P2RY8: variants seen among roughly 807,000 people sequenced by gnomAD.
P2RY8 encodes the protein P2Y receptor family member 8.
In P2RY8, 6 loss-of-function variants were observed where a neutral mutation model predicts 10.0. That is an observed-to-expected ratio of 0.60 (90% CI 0.33 to 1.19). The LOEUF (loss-of-function observed/expected upper bound fraction) is 1.19, where lower values mean the gene tolerates loss of function less well. P2RY8 is among the 50% of genes most tolerant of loss of function. The pLI, the probability that P2RY8 is intolerant of heterozygous loss-of-function variation, is 0.04. For missense variants in P2RY8, 456 were observed against 542.0 expected (o/e 0.84, Z 1.58); for synonymous variants, 276 against 252.5 (o/e 1.09, Z -0.88).
chrX:1,522,817 G>A (rs28541704), intron 1 of P2RY8, among the ~76,000 whole-genome samples: 7 of 151,680 alleles, frequency 4.6e-5, no homozygotes, highest in Non-Finnish European at 1.0e-4. Context: ...ACCTGTTATC[G>A]CAGCACTTTG....
intron 1 of P2RY8, among the ~76,000 whole-genome samples, chrX:1,496,241 T>G (rs1342996067): frequency 6.6e-6 from 1 of 152,164 alleles, no homozygotes; most frequent in African/African-American, 2.4e-5. Flanking sequence ...TACCACTGGC[T>G]TCTCCCTGCT....
Position 1,492,694 on chromosome X carries a change from G to C in P2RY8, c.-24-26112C>G, listed in dbSNP as rs1463718928. On this transcript the variant is annotated intron_variant, in intron 1 of 1. Transcript: ENST00000381297. Reference sequence around the variant, plus strand: ...CAAGTTTCTATTGCTGGCCATAGAAGACAGTTATGCCTCAAGCACTAGGGG... The same window carrying C: ...CAAGTTTCTATTGCTGGCCATAGAACACAGTTATGCCTCAAGCACTAGGGG... 3.3e-5 allele frequency among the ~76,000 whole-genome samples: 5 copies of C among 152,262 alleles called. No individual in the cohort carries two copies. In the East Asian group the frequency reaches 9.6e-4, roughly 29 times the overall value.
intron 1 of P2RY8, among the ~76,000 whole-genome samples, chrX:1,492,599 C>A (rs1408880546): frequency 6.6e-6 from 1 of 152,138 alleles, no homozygotes; most frequent in Non-Finnish European, 1.5e-5. Flanking sequence ...TCCAGCCATG[C>A]CTGAAGCCCC....
At chrX:1,511,221 T>C (rs1191049780) in intron 1 of P2RY8, among the ~76,000 whole-genome samples, 1 of 152,120 alleles carries the variant, frequency 6.6e-6, no homozygotes, top group Non-Finnish European at 1.5e-5. Context: ...CCTTTTGATA[T>C]AGACAGCCTC....
intron 1 of P2RY8, among the ~76,000 whole-genome samples, chrX:1,518,773 C>A (rs1287333182): frequency 6.6e-6 from 1 of 151,926 alleles, no homozygotes; most frequent in Non-Finnish European, 1.5e-5. Flanking sequence ...ATAATCTTTC[C>A]AGTCTCCAGT....
At chrX:1,524,403 A>C (rs868105982) in intron 1 of P2RY8, among the ~76,000 whole-genome samples, 36 of 32,236 alleles carry the variant, frequency 1.1e-3, no homozygotes, top group African/African-American at 1.2e-3. Context: ...CCCTCCATCC[A>C]TGCATGCATC....
At chrX:1,513,872 G>C (rs1161952748) in intron 1 of P2RY8, among the ~76,000 whole-genome samples, 1 of 152,068 alleles carries the variant, frequency 6.6e-6, no homozygotes, top group African/African-American at 2.4e-5. Flanking sequence ...CTCTGTGTCT[G>C]TGTCTCCTCT....
rs146133424 is a variant in P2RY8 at position 1,489,467 on chromosome X, G to T, written c.-24-22885C>A. ...CACTCAGAGATTTACTCCTGCAACA[G>T]TGGAGAGAATGAATGAATGAATGAC... On this transcript the variant is annotated intron_variant, in intron 1 of 1. Coordinates refer to ENST00000381297, the MANE Select transcript of P2RY8 (RefSeq NM_178129.5). Among the ~76,000 whole-genome samples, 938 of 151,252 alleles carry T rather than the reference G, an allele frequency of 6.2e-3. 15 individuals are homozygous for T. The highest frequency in any genetic ancestry group is 0.019 in the African/African-American group (770 of 41,198).
chrX:1,492,773 G>T (rs1313470182), intron 1 of P2RY8, among the ~76,000 whole-genome samples: 1 of 152,082 alleles, frequency 6.6e-6, no homozygotes, highest in African/African-American at 2.4e-5. Flanking sequence ...TCCAGAGAGA[G>T]GGCCCACGGA....
chrX:1,526,244 C>CCACTATT (rs1362029082), intron 1 of P2RY8, among the ~76,000 whole-genome samples: 5 of 151,774 alleles, frequency 3.3e-5, no homozygotes, highest in Non-Finnish European at 7.4e-5. Flanking sequence ...ATCCATACAT[C>CCACTATT]CACTATTCAT....
At chrX:1,524,924 C>CCATCCATCCATCCAT (rs1395356249) in intron 1 of P2RY8, among the ~76,000 whole-genome samples, 1 of 102,722 alleles carries the variant, frequency 9.7e-6, no homozygotes, top group Non-Finnish European at 2.0e-5. Context: ...CATCCATCCA[C>CCATCCATCCATCCAT]CCACCCATCC....
intron 1 of P2RY8, among the ~76,000 whole-genome samples, chrX:1,493,719 C>T (rs1452431141): frequency 2.0e-5 from 3 of 152,142 alleles, no homozygotes; most frequent in Non-Finnish European, 4.4e-5. Context: ...CGTGGGCCGG[C>T]CTGTACCCCT....
chrX:1,532,869 A>T (rs2092489984), intron 1 of P2RY8, among the ~76,000 whole-genome samples: 1 of 151,812 alleles, frequency 6.6e-6, no homozygotes, highest in Non-Finnish European at 1.5e-5. Context: ...GTGTGGTGGC[A>T]CATGCGTGTA....
intron 1 of P2RY8, among the ~76,000 whole-genome samples, chrX:1,469,851 A>T (rs2091761335): frequency 6.6e-6 from 1 of 152,024 alleles, no homozygotes; most frequent in East Asian, 1.9e-4. Context: ...GTGAGCCGAG[A>T]TCGCACCACT....
chrX:1,515,803 G>T lies in P2RY8; in HGVS notation c.-25+21118C>A, dbSNP rs765823632. 2.0e-5 allele frequency among the ~76,000 whole-genome samples: 3 copies of T among 152,060 alleles called. No individual in the cohort carries two copies. In the South Asian group the frequency reaches 6.2e-4, roughly 32 times the overall value. The stretch of plus-strand genomic sequence containing the variant: ...CTAAACCTCAGTATGCTGTCAGGAG[G>T]TGAGAGCTCTGGGGGAGATTAGGGT... On this transcript the variant is annotated intron_variant, in intron 1 of 1. Transcript: ENST00000381297.
intron 1 of P2RY8, among the ~76,000 whole-genome samples, chrX:1,529,542 GC>G (rs2149414918): frequency 6.6e-6 from 1 of 151,906 alleles, no homozygotes; most frequent in Admixed American, 6.5e-5. Flanking sequence ...CTGGGAAGAT[GC>G]TCAGTGCCCT....
chrX:1,488,935 G>C lies in P2RY8; in HGVS notation c.-24-22353C>G, dbSNP rs146313252. On this transcript the variant is annotated intron_variant, in intron 1 of 1. Transcript: ENST00000381297. ...CCCAGGGTTCACTCCCACAAATGTG[G>C]AGGGAATGAATGAATGAATGGCATC... 6.1e-3 allele frequency among the ~76,000 whole-genome samples: 929 copies of C among 152,186 alleles called. 8 individuals carry two copies. Among genetic ancestry groups the C allele is most frequent in the African/African-American group, 0.021 (869 of 41,526 alleles).
intron 1 of P2RY8, among the ~76,000 whole-genome samples, chrX:1,517,670 G>T (rs1351974006): frequency 6.6e-6 from 1 of 152,142 alleles, no homozygotes. Context: ...AGCCTGTGGG[G>T]CCAGGTAATG....
intron 1 of P2RY8, among the ~76,000 whole-genome samples, chrX:1,467,837 C>T (rs192753122): frequency 1.5e-3 from 226 of 151,678 alleles, no homozygotes; most frequent in African/African-American, 5.0e-3. Flanking sequence ...TACAACCACG[C>T]CCAGCTAATA....
Sources: allele counts gnomAD v4.1 joint callset (sites outside exome capture counted in the v4.1 genomes callset), GRCh38; gene constraint gnomAD v4.1.1; transcripts MANE v1.5; gene names NCBI Gene and HGNC (gene_info 2026-07-23, HGNC 2026-07-21).